The following USP47 variants were observed in gnomAD, a reference collection of about 807,000 sequenced individuals.
USP47 encodes ubiquitin carboxyl-terminal hydrolase 47.
A neutral mutation model predicts 165.1 loss-of-function variants in USP47; 35 were observed. That is an observed-to-expected ratio of 0.21 (90% confidence interval 0.16 to 0.28). The LOEUF is 0.28. Among genes scored for constraint, USP47 ranks in the 10% least tolerant of loss-of-function variants. The probability of loss-of-function intolerance (pLI) is 1.00; values close to 1 mark genes in which losing one functional copy is unlikely to be tolerated. For synonymous variants in USP47, 531 were observed against 544.5 expected, an observed-to-expected ratio of 0.98 and a Z score of 0.35; for missense variants, 1,277 against 1,607.4, an observed-to-expected ratio of 0.79 and a Z score of 3.52.
intron 14 of USP47, 53 bp from the exon 15 acceptor site, chr11:11,932,951 A>G: frequency 7.2e-7 from 1 of 1,383,818 alleles, no homozygotes; most frequent in Non-Finnish European, 1.0e-6. Flanking sequence ...CAGGATGAAT[A>G]AAGGCAGCTC....
intron 1 of USP47, among the ~76,000 whole-genome samples, chr11:11,851,543 T>A (rs1848727957): frequency 6.6e-6 from 1 of 152,186 alleles, no homozygotes; most frequent in African/African-American, 2.4e-5. Context: ...TCATCCAGCT[T>A]CTTTTTATCT....
At chr11:11,849,455 C>G (rs751674540) in intron 1 of USP47, among the ~76,000 whole-genome samples, 1 of 152,160 alleles carries the variant, frequency 6.6e-6, no homozygotes, top group African/African-American at 2.4e-5. Flanking sequence ...TATTCTTCTG[C>G]ACTGCACAAG....
chr11:11,880,261 T>C lies in USP47; in HGVS notation c.124T>C (p.Leu42=). The C allele has an allele frequency of 6.9e-7, 1 of 1,456,856 alleles. No individual in the cohort carries two copies. The highest frequency in any genetic ancestry group is 1.4e-5 in the South Asian group (1 of 71,250). The allele number at this position is 1,456,856 out of a possible 1,614,324, so 90.2% of individuals were successfully genotyped here. A position where few individuals can be genotyped will look rare whatever the true frequency, so the allele number is the denominator to read the frequency against. ...NSKTVNERIT[L]NLPASTPVRK... The stretch of plus-strand genomic sequence containing the variant: ...AAAGACAGTGAATGAACGGATCACT[T>C]TAAATTTACCAGCATCTACTCCAGT... Residue 42 remains leucine (L), a synonymous_variant, in exon 2 of 28, where the codon TTA becomes CTA. Coordinates refer to ENST00000527733, the MANE Select transcript of USP47 (RefSeq NM_001282659.2).
At chr11:11,941,521 A>G (rs988733267) in intron 19 of USP47, among the ~76,000 whole-genome samples, 2 of 152,014 alleles carry the variant, frequency 1.3e-5, no homozygotes, top group Admixed American at 1.3e-4. Context: ...TCAAACGTAA[A>G]CAAAAGTAGA....
At chr11:11,936,965 ATCACT>A (rs1855117361) in intron 17 of USP47, among the ~76,000 whole-genome samples, 2 of 151,930 alleles carry the variant, frequency 1.3e-5, no homozygotes, top group African/African-American at 4.8e-5. Context: ...TCATTATCCC[ATCACT>A]GTCAGCATTT....
At chr11:11,931,595 T>C (rs1468317121) in intron 14 of USP47, among the ~76,000 whole-genome samples, 1 of 152,142 alleles carries the variant, frequency 6.6e-6, no homozygotes, top group Non-Finnish European at 1.5e-5. Context: ...CTTCCAATAG[T>C]GCAATAACTC....
intron 1 of USP47, chr11:11,878,552 T>C (rs937867174): frequency 1.6e-4 from 25 of 152,268 alleles, no homozygotes; most frequent in African/African-American, 5.5e-4. Flanking sequence ...ATCTAAAATA[T>C]ATAGGTGAAG....
intron 8 of USP47, among the ~76,000 whole-genome samples, chr11:11,910,984 A>G (rs563965025): frequency 3.0e-4 from 45 of 152,352 alleles, no homozygotes; most frequent in African/African-American, 9.1e-4. Flanking sequence ...CACTTCAGTG[A>G]GCAGTCCTAA....
chr11:11,846,782 C>T (rs575880510), intron 1 of USP47, among the ~76,000 whole-genome samples: 1 of 152,224 alleles, frequency 6.6e-6, no homozygotes, highest in African/African-American at 2.4e-5. Flanking sequence ...TATTATGGAA[C>T]ATGTCAAATG....
intron 8 of USP47, among the ~76,000 whole-genome samples, chr11:11,918,203 T>G (rs1376359134): frequency 6.6e-6 from 1 of 152,094 alleles, no homozygotes; most frequent in Non-Finnish European, 1.5e-5. Context: ...TGTATAAATC[T>G]AATAATGAAG....
At chr11:11,947,497 T>G (rs1855918852) in intron 20 of USP47, among the ~76,000 whole-genome samples, 1 of 152,212 alleles carries the variant, frequency 6.6e-6, no homozygotes, top group East Asian at 1.9e-4. Context: ...CTCACTGAAG[T>G]CACATTGCAA....
At chr11:11,887,476 CAAG>C (rs1170280371) in intron 3 of USP47, among the ~76,000 whole-genome samples, 4 of 151,580 alleles carry the variant, frequency 2.6e-5, no homozygotes, top group African/African-American at 9.7e-5. Flanking sequence ...TAAAAAAAGA[CAAG>C]GGCATTACAT....
Position 11,950,466 on chromosome 11 carries a change from C to T in USP47, c.3567C>T (p.Phe1189=), listed in dbSNP as rs764904622. Residue 1189 remains phenylalanine (F), a synonymous_variant, in exon 24 of 28, where the codon TTC becomes TTT. Transcript: ENST00000527733. ...DINISSNWEV[F]LEVLDGVEKM... ...ATATTTCCAGCAACTGGGAGGTTTTCCTTGAAGTTCTTGATGGTATTTTCA... is the reference window on the plus strand; with the variant it reads ...ATATTTCCAGCAACTGGGAGGTTTTTCTTGAAGTTCTTGATGGTATTTTCA... The T allele has an allele frequency of 6.2e-7, 1 of 1,602,482 alleles. No individual in the cohort carries two copies. The highest frequency in any genetic ancestry group is 2.2e-5 in the East Asian group (1 of 44,498).
chr11:11,879,843 A>G (rs1053558375), intron 1 of USP47, among the ~76,000 whole-genome samples: 2 of 152,140 alleles, frequency 1.3e-5, no homozygotes, highest in African/African-American at 2.4e-5. Context: ...CAGATTTTAT[A>G]ATTTTTAACT....
Position 11,880,319 on chromosome 11 carries a change from T to C in USP47, c.182T>C (p.Val61Ala). 2.2e-6 allele frequency: 3 copies of C among 1,389,850 alleles called. No individual in the cohort carries two copies. The highest frequency in any genetic ancestry group is 2.8e-6 in the Non-Finnish European group (3 of 1,079,110). 86.1% of individuals were successfully genotyped at this position (1,389,850 alleles called of 1,614,324 possible). The change falls in exon 2 of 28, where the codon GTA becomes GCA. Residue 61 changes from valine (V) to alanine (A), a missense_variant. This residue lies in a region of USP47 where 181 missense variants were observed against 194.7 expected (regional missense o/e 0.93). Transcript: ENST00000527733. ...RKLFEDVANKVGYINGTFDLV... is the reference protein window; with the variant it reads ...RKLFEDVANKAGYINGTFDLV... Reference sequence around the variant, plus strand: ...CTCTTTGAAGATGTGGCCAACAAAGTAGGCTACATAAATGGAACCTTTGAC... The same window carrying C: ...CTCTTTGAAGATGTGGCCAACAAAGCAGGCTACATAAATGGAACCTTTGAC...
chr11:11,870,886 T>A (rs1287190166), intron 1 of USP47, among the ~76,000 whole-genome samples: 1 of 152,206 alleles, frequency 6.6e-6, no homozygotes, highest in Non-Finnish European at 1.5e-5. Context: ...TTATCTTAGA[T>A]ACTTATTTTT....
At chr11:11,917,901 G>A (rs927675025) in intron 8 of USP47, among the ~76,000 whole-genome samples, 1 of 152,070 alleles carries the variant, frequency 6.6e-6, no homozygotes, top group African/African-American at 2.4e-5. Flanking sequence ...GGTTCAGAAA[G>A]CAAACATTAA....
chr11:11,868,913 T>C (rs1374593976), intron 1 of USP47, among the ~76,000 whole-genome samples: 1 of 152,166 alleles, frequency 6.6e-6, no homozygotes, highest in Non-Finnish European at 1.5e-5. Context: ...TATTTGCATC[T>C]GTTTATACGC....
At position 11,937,216 on chromosome 11, in the gene USP47, A is replaced by T. The variant is rs1855134828; in HGVS notation, c.2077+706A>T. ...CTATAATTACCATATGTAAATTGTA[A>T]CAAATAGAAGAAAAGCAGAATGTTT... On this transcript the variant is annotated intron_variant, in intron 17 of 27. Transcript: ENST00000527733. 2.0e-5 allele frequency among the ~76,000 whole-genome samples: 3 copies of T among 151,940 alleles called. No homozygotes were observed. The South Asian group carries it at 6.2e-4, about 31-fold the overall frequency.
Sources: gnomAD v4.1 joint callset for allele counts (sites outside exome capture counted in the v4.1 genomes callset) on GRCh38, gnomAD v4.1.1 for gene constraint, gnomAD v4.1.1 regional missense constraint, MANE v1.5 for transcripts, NCBI Gene and HGNC (gene_info 2026-07-23, HGNC 2026-07-21) for gene names.